The following GLT1D1 variants were observed in gnomAD, a reference collection of about 807,000 sequenced individuals.
GLT1D1 encodes glycosyltransferase 1 domain-containing protein 1.
In GLT1D1, 21 loss-of-function variants were observed where a neutral mutation model predicts 28.7. The ratio of observed to expected loss-of-function variants is 0.73; its 90% CI spans 0.52 to 1.05. GLT1D1 has a LOEUF of 1.05. Among genes scored for constraint, GLT1D1 ranks in the 50% least tolerant of loss-of-function variants. GLT1D1 has a pLI of 0.00. For synonymous variants in GLT1D1, 147 were observed against 124.8 expected, an observed-to-expected ratio of 1.18 and a Z score of -1.19; for missense variants, 343 against 330.6, an observed-to-expected ratio of 1.04 and a Z score of -0.29.
chr12:128,871,052 A>AC (rs1313963163), intron 1 of GLT1D1, among the ~76,000 whole-genome samples: 1 of 152,058 alleles, frequency 6.6e-6, no homozygotes, highest in Admixed American at 6.6e-5. Flanking sequence ...CTATGTAACC[A>AC]CCTGCATTCC....
At chr12:128,927,221 C>G (rs1873318899) in intron 4 of GLT1D1, 67 bp downstream of exon 8, 3 of 1,207,966 alleles carry the variant, frequency 2.5e-6, no homozygotes, top group Non-Finnish European at 3.5e-6. Flanking sequence ...TATGTATTTT[C>G]TACAATCAGT....
intron 4 of GLT1D1, among the ~76,000 whole-genome samples, chr12:128,938,742 A>G (rs1874818622): frequency 6.6e-6 from 1 of 152,244 alleles, no homozygotes; most frequent in Non-Finnish European, 1.5e-5. Flanking sequence ...GCAGCTGGGA[A>G]GAAACTGCAG....
intron 4 of GLT1D1, among the ~76,000 whole-genome samples, chr12:128,905,372 C>G (rs1166682049): frequency 6.6e-6 from 1 of 152,234 alleles, no homozygotes; most frequent in Non-Finnish European, 1.5e-5. Context: ...CAGGGCAGCT[C>G]TGTTTCAGGA....
intron 1 of GLT1D1, among the ~76,000 whole-genome samples, chr12:128,871,321 C>T (rs10082973): frequency 0.029 from 4,399 of 152,228 alleles, 206 homozygotes; most frequent in African/African-American, 0.099. Flanking sequence ...CTTTCCTGAT[C>T]CTGCTGGTCA....
chr12:128,959,902 A>G (rs1877759189), intron 7 of GLT1D1, among the ~76,000 whole-genome samples: 1 of 152,114 alleles, frequency 6.6e-6, no homozygotes, highest in African/African-American at 2.4e-5. Context: ...CAAAGAAAGC[A>G]CTCCAACTTT....
chr12:128,977,387 C>T (rs562291484), intron 7 of GLT1D1, among the ~76,000 whole-genome samples: 2 of 152,272 alleles, frequency 1.3e-5, no homozygotes, highest in Admixed American at 1.3e-4. Flanking sequence ...AAGTGCATTA[C>T]CTGAGCCAGC....
intron 2 of GLT1D1, among the ~76,000 whole-genome samples, chr12:128,879,023 C>G (rs1956937895): frequency 6.6e-6 from 1 of 152,226 alleles, no homozygotes; most frequent in African/African-American, 2.4e-5. Context: ...TTCGGAATCC[C>G]TGATAGCTCA....
chr12:128,854,709 T>G (rs545688981), intron 1 of GLT1D1, among the ~76,000 whole-genome samples: 1 of 151,986 alleles, frequency 6.6e-6, no homozygotes, highest in East Asian at 1.9e-4. Context: ...GTTGGCCAGG[T>G]TGGTCTCGAA....
intron 7 of GLT1D1, among the ~76,000 whole-genome samples, chr12:128,974,247 C>G (rs80036957): frequency 0.19 from 29,347 of 152,144 alleles, 3,322 homozygotes; most frequent in Non-Finnish European, 0.27. Context: ...AGGTACCTGG[C>G]TGATGGCCGG....
At chr12:128,918,708 C>T (rs113645011) in intron 4 of GLT1D1, among the ~76,000 whole-genome samples, 20 of 152,320 alleles carry the variant, frequency 1.3e-4, no homozygotes, top group African/African-American at 4.3e-4. Flanking sequence ...TTATTCAGAA[C>T]GAGTGGGCCC....
At chr12:128,877,841 A>C (rs1956910173) in intron 2 of GLT1D1, among the ~76,000 whole-genome samples, 1 of 152,200 alleles carries the variant, frequency 6.6e-6, no homozygotes, top group African/African-American at 2.4e-5. Flanking sequence ...GGTCTGTCTC[A>C]GGGTTTCCCA....
intron 4 of GLT1D1, among the ~76,000 whole-genome samples, chr12:128,938,474 C>T (rs1200614621): frequency 1.3e-5 from 2 of 152,202 alleles, no homozygotes; most frequent in Non-Finnish European, 2.9e-5. Flanking sequence ...CTTAACATTA[C>T]CAATCCTTTG....
chr12:128,865,545 G>A lies in GLT1D1; in HGVS notation c.69-10369G>A, dbSNP rs111632910. The stretch of plus-strand genomic sequence containing the variant: ...ATAGAAATAAAAAACAACACAGGCC[G>A]GGCCCGGTGGCTCACGCCTGTAATC... On this transcript the variant is annotated intron_variant, in intron 1 of 7. Coordinates refer to ENST00000281703, the MANE Select transcript of GLT1D1 (RefSeq NM_144669.3). Among the ~76,000 whole-genome samples the A allele has an allele frequency of 5.3e-3, 804 of 152,216 alleles. 4 individuals carry two copies. Among genetic ancestry groups the A allele is most frequent in the African/African-American group, 0.018 (755 of 41,550 alleles).
intron 1 of GLT1D1, among the ~76,000 whole-genome samples, chr12:128,868,324 G>A (rs1298652209): frequency 2.0e-5 from 3 of 152,182 alleles, no homozygotes; most frequent in Non-Finnish European, 4.4e-5. Context: ...AGAGCCGGAT[G>A]TTTTGATTGG....
At chr12:128,891,556 C>A (rs993164579) in intron 3 of GLT1D1, among the ~76,000 whole-genome samples, 1 of 152,206 alleles carries the variant, frequency 6.6e-6, no homozygotes, top group African/African-American at 2.4e-5. Flanking sequence ...CTGTGGCTCA[C>A]CTCATGGCTG....
chr12:128,927,008 TTA>T (rs1873291196), intron 4 of GLT1D1, 95 bp from the exon 8 acceptor site: 2 of 725,930 alleles, frequency 2.8e-6, no homozygotes, highest in Non-Finnish European at 2.3e-6. Flanking sequence ...ATGAAATAAT[TTA>T]TGTTATTGAG....
At chr12:128,934,958 C>T (rs937857281) in intron 4 of GLT1D1, among the ~76,000 whole-genome samples, 5 of 151,672 alleles carry the variant, frequency 3.3e-5, no homozygotes, top group African/African-American at 7.3e-5. Context: ...TCTTCAAGGA[C>T]GGGGTCCAGG....
chr12:128,876,859 A>G (rs956015399), intron 2 of GLT1D1, among the ~76,000 whole-genome samples: 2 of 152,216 alleles, frequency 1.3e-5, no homozygotes, highest in Non-Finnish European at 2.9e-5. Context: ...ATGGGCCCCA[A>G]GCTTTGGAAG....
intron 7 of GLT1D1, among the ~76,000 whole-genome samples, chr12:128,979,462 C>T (rs1880109065): frequency 6.6e-6 from 1 of 152,194 alleles, no homozygotes; most frequent in East Asian, 1.9e-4. Flanking sequence ...GGCCAGGGGC[C>T]ACCCTCAGCT....
Sources: allele counts gnomAD v4.1 joint callset (sites outside exome capture counted in the v4.1 genomes callset), GRCh38; gene constraint gnomAD v4.1.1; transcripts MANE v1.5; gene names NCBI Gene and HGNC (gene_info 2026-07-23, HGNC 2026-07-21).